Variants in CFHR3 observed in about 807,000 individuals in gnomAD.
CFHR3 encodes complement factor H related 3.
Under a neutral mutation model 36.0 loss-of-function variants are expected in CFHR3, and 22 were observed. That is an observed-to-expected ratio of 0.61 (90% CI 0.44 to 0.87). The LOEUF (loss-of-function observed/expected upper bound fraction) is 0.87, where lower values mean the gene tolerates loss of function less well. Ranked by LOEUF, CFHR3 falls within the 40% of genes least tolerant of loss-of-function variation. The pLI, the probability that CFHR3 is intolerant of heterozygous loss-of-function variation, is 0.00. For synonymous variants in CFHR3, 97 were observed against 137.4 expected (o/e 0.71, Z 2.06); for missense variants, 276 against 401.3 (o/e 0.69, Z 2.67).
chr1:196,784,884 G>A (rs1186422229), intron 3 of CFHR3, among the ~76,000 whole-genome samples: 401 of 124,638 alleles, frequency 3.2e-3, no homozygotes, highest in South Asian at 4.1e-3. Context: ...AGTTGATGCA[G>A]TTTCTTCCTA....
chr1:196,775,058 G>A, intron 1 of CFHR3, 114 bp downstream of exon 1: 2 of 896,054 alleles, frequency 2.2e-6, no homozygotes, highest in Non-Finnish European at 3.4e-6. Context: ...TATTCACTAT[G>A]CTAGTAGAAG....
intron 5 of CFHR3, 96 bp from the exon 6 acceptor site, chr1:196,793,221 A>G: frequency 8.9e-7 from 1 of 1,121,560 alleles, no homozygotes; most frequent in Non-Finnish European, 1.2e-6. Flanking sequence ...GGATTATTTT[A>G]TAATTTTATT....
rs1009441234 is a variant in CFHR3, at chr1:196,793,648, G to C, written c.*135G>C. The stretch of plus-strand genomic sequence containing the variant: ...TATTTCAAAGAAAATTAATATAATA[G>C]TTTCAATTTGCAACTTAATATATTC... On this transcript the variant is annotated 3_prime_UTR_variant, in exon 6 of 6. Transcript: ENST00000367425. 1.2e-6 allele frequency: 1 copy of C among 831,374 alleles called. No individual in the cohort carries two copies. Among genetic ancestry groups the C allele is most frequent in the African/African-American group, 2.3e-5 (1 of 44,200 alleles). 51.5% of individuals were successfully genotyped at this position (831,374 alleles called of 1,614,324 possible). A position where few individuals can be genotyped will look rare whatever the true frequency, so the allele number is the denominator to read the frequency against.
chr1:196,787,241 T>G (rs1654245047), intron 3 of CFHR3, among the ~76,000 whole-genome samples: 1 of 137,258 alleles, frequency 7.3e-6, no homozygotes, highest in South Asian at 2.5e-4. Flanking sequence ...GCACCAACTC[T>G]ATCATTAATC....
chr1:196,788,756 G>A (rs753012092), intron 4 of CFHR3: 1 of 1,450,720 alleles, frequency 6.9e-7, no homozygotes, highest in South Asian at 1.3e-5. Context: ...TGCTTGTATT[G>A]CATTCCGTGC....
intron 4 of CFHR3, chr1:196,789,779 T>C: frequency 7.6e-7 from 1 of 1,309,702 alleles, no homozygotes; most frequent in Non-Finnish European, 1.0e-6. Context: ...TATTCAAGTA[T>C]TTTTTATTAG....
At chr1:196,787,714 T>C (rs926014227) in intron 3 of CFHR3, among the ~76,000 whole-genome samples, 4 of 137,238 alleles carry the variant, frequency 2.9e-5, no homozygotes, top group Admixed American at 2.1e-4. Context: ...ACCACGTCTA[T>C]ATGGGTTTAA....
chr1:196,793,606 T>C lies in CFHR3; in HGVS notation c.*93T>C. The C allele has an allele frequency of 8.4e-7, 1 of 1,187,808 alleles. No individual in the cohort carries two copies. The highest frequency in any genetic ancestry group is 1.2e-6 in the Non-Finnish European group (1 of 845,232). 73.6% of individuals were successfully genotyped at this position (1,187,808 alleles called of 1,614,324 possible). ...AGCTTGCAAAGATAGCTTCTGATAT[T>C]GTTGTAATTTCTACTTTATTTCAAA... On this transcript the variant is annotated 3_prime_UTR_variant, in exon 6 of 6. Transcript: ENST00000367425.
chr1:196,793,544 A>G lies in CFHR3; in HGVS notation c.*31A>G, dbSNP rs1303399045. The stretch of plus-strand genomic sequence containing the variant: ...CATTGTTACCCTAAATGTATGTCCA[A>G]CTTCCACTTTTCCACTTCTCACTCT... On this transcript the variant is annotated 3_prime_UTR_variant, in exon 6 of 6. Coordinates refer to ENST00000367425, the MANE Select transcript of CFHR3 (RefSeq NM_021023.6). 4.7e-6 allele frequency: 7 copies of G among 1,494,644 alleles called. 2 individuals carry two copies. In the Admixed American group the frequency reaches 6.9e-5, roughly 15 times the overall value. 92.6% of individuals were successfully genotyped at this position (1,494,644 alleles called of 1,614,324 possible).
At chr1:196,789,411 A>T (rs377298) in intron 4 of CFHR3, 8 of 889,684 alleles carry the variant, frequency 9.0e-6, no homozygotes, top group Admixed American at 1.1e-4. Context: ...ATACTTATCA[A>T]GGGCTCTGTG....
chr1:196,779,328 T>C lies in CFHR3; in HGVS notation c.225T>C (p.Asn75=), dbSNP rs1573107986. ...SYWDYIHCTQ[N]GWSPAVPCLR... ...GGGATTACATTCATTGCACACAAAA[T>C]GGGTGGTCACCAGCAGTACCATGTC... The change falls in exon 2 of 6, where the codon AAT becomes AAC. Residue 75 remains asparagine (N), a synonymous_variant. Transcript: ENST00000367425. 1 of 1,527,092 alleles carries C rather than the reference T, an allele frequency of 6.5e-7. No individual in the cohort carries two copies. Among genetic ancestry groups the C allele is most frequent in the Admixed American group, 1.7e-5 (1 of 58,102 alleles). 94.6% of individuals were successfully genotyped at this position (1,527,092 alleles called of 1,614,324 possible).
At chr1:196,782,820 G>C (rs1654012927) in intron 3 of CFHR3, among the ~76,000 whole-genome samples, 1 of 136,882 alleles carries the variant, frequency 7.3e-6, no homozygotes, top group African/African-American at 3.0e-5. Flanking sequence ...GAGATCCCTG[G>C]CCAGAACTTC....
In CFHR3 at chr1:196,775,839, C is replaced by A. The variant is rs1351344517; in HGVS notation, c.58+895C>A. 1.5e-5 allele frequency among the ~76,000 whole-genome samples: 2 copies of A among 136,958 alleles called. 1 individual carries two copies. The highest frequency in any genetic ancestry group is 3.1e-5 in the Non-Finnish European group (2 of 64,424). 89.8% of individuals were successfully genotyped at this position (136,958 alleles called of 152,430 possible). A position where few individuals can be genotyped will look rare whatever the true frequency, so the allele number is the denominator to read the frequency against. On this transcript the variant is annotated intron_variant, in intron 1 of 5. Coordinates refer to ENST00000367425, the MANE Select transcript of CFHR3 (RefSeq NM_021023.6). Reference sequence around the variant, plus strand: ...TCAGCCAATGTAATGGAGGGTAATACTGGAAATCCCATTATCAATTTATGA... The same window carrying A: ...TCAGCCAATGTAATGGAGGGTAATAATGGAAATCCCATTATCAATTTATGA...
intron 1 of CFHR3, among the ~76,000 whole-genome samples, chr1:196,778,740 CTT>C (rs1177879769): frequency 2.2e-5 from 3 of 136,256 alleles, no homozygotes; most frequent in Non-Finnish European, 4.7e-5. Flanking sequence ...TCTTGTTTCT[CTT>C]TTCCAAAAAA....
chr1:196,783,898 G>C lies in CFHR3; in HGVS notation c.430+3925G>C, dbSNP rs1281735486. On this transcript the variant is annotated intron_variant, in intron 3 of 5. Coordinates refer to ENST00000367425, the MANE Select transcript of CFHR3 (RefSeq NM_021023.6). ...TAGTTCTTTTAATTGTGATGTTAGG[G>C]TGTCAATTTTGGATCTTTCCTGCTT... 1.5e-5 allele frequency among the ~76,000 whole-genome samples: 2 copies of C among 134,562 alleles called. 1 individual carries two copies. Among genetic ancestry groups the C allele is most frequent in the Admixed American group, 1.4e-4 (2 of 13,972 alleles). The allele number at this position is 134,562 out of a possible 152,430, so 88.3% of individuals were successfully genotyped here. A position where few individuals can be genotyped will look rare whatever the true frequency, so the allele number is the denominator to read the frequency against.
At position 196,776,324 on chromosome 1, in the gene CFHR3, C is replaced by G. The variant is rs1442160056; in HGVS notation, c.58+1380C>G. 1.5e-4 allele frequency among the ~76,000 whole-genome samples: 21 copies of G among 137,118 alleles called. 5 individuals are homozygous for G. The highest frequency in any genetic ancestry group is 5.5e-4 in the African/African-American group (18 of 33,000). 90.0% of individuals were successfully genotyped at this position (137,118 alleles called of 152,430 possible). On this transcript the variant is annotated intron_variant, in intron 1 of 5. Coordinates refer to ENST00000367425, the MANE Select transcript of CFHR3 (RefSeq NM_021023.6). Reference sequence around the variant, plus strand: ...GTAAATTTGGGTTGCACCTATATTTCTCAAAGGAGAAAGTAACTCATTTAG... The same window carrying G: ...GTAAATTTGGGTTGCACCTATATTTGTCAAAGGAGAAAGTAACTCATTTAG...
At chr1:196,786,404 G>C (rs1288867817) in intron 3 of CFHR3, among the ~76,000 whole-genome samples, 1 of 135,758 alleles carries the variant, frequency 7.4e-6, no homozygotes, top group Non-Finnish European at 1.6e-5. Flanking sequence ...CCTGCCCCCA[G>C]AGGTGGAGCC....
chr1:196,787,279 G>C (rs1371802336), intron 3 of CFHR3, among the ~76,000 whole-genome samples: 3 of 137,156 alleles, frequency 2.2e-5, no homozygotes, highest in East Asian at 2.0e-4. Flanking sequence ...TGTGTGTCAA[G>C]CACTTTGTAG....
intron 3 of CFHR3, among the ~76,000 whole-genome samples, chr1:196,785,772 TTTGA>T (rs1405668655): frequency 7.3e-6 from 1 of 136,720 alleles, no homozygotes; most frequent in Non-Finnish European, 1.6e-5. Flanking sequence ...CTTGGAGTAG[TTTGA>T]TTGTCTGAAG....
Sources: allele counts gnomAD v4.1 joint callset (sites outside exome capture counted in the v4.1 genomes callset), GRCh38; gene constraint gnomAD v4.1.1; transcripts MANE v1.5; gene names NCBI Gene and HGNC (gene_info 2026-07-23, HGNC 2026-07-21).